The following RHBG variants were observed in gnomAD, a reference collection of about 807,000 sequenced individuals.
RHBG encodes Rh family B glycoprotein.
In RHBG, 39 loss-of-function variants were observed where a neutral mutation model predicts 40.1. The ratio of observed to expected loss-of-function variants is 0.97; its 90% CI spans 0.75 to 1.27. The LOEUF is 1.27. Among genes scored for constraint, RHBG ranks in the 50% most tolerant of loss-of-function variants. The pLI, the probability that RHBG is intolerant of heterozygous loss-of-function variation, is 0.00. For missense variants in RHBG, 549 were observed against 588.1 expected (o/e 0.93, Z 0.69); for synonymous variants, 237 against 252.5 (o/e 0.94, Z 0.58).
Position 156,382,206 on chromosome 1 carries a change from G to A in RHBG, c.1112+5G>A. 1 of 1,614,130 alleles carries A rather than the reference G, an allele frequency of 6.2e-7. No homozygotes were observed. Reference sequence around the variant, plus strand: ...CCATGAAGCTTACGGAGATGGGTGAGTTTCCTCCCAACCCGTACTGCAGTC... The same window carrying A: ...CCATGAAGCTTACGGAGATGGGTGAATTTCCTCCCAACCCGTACTGCAGTC... On this transcript the variant is annotated splice_donor_5th_base_variant and intron_variant, in intron 7 of 9. Coordinates refer to ENST00000537040, the MANE Select transcript of RHBG (RefSeq NM_020407.5).
At chr1:156,374,341 T>A (rs1184192482) in intron 1 of RHBG, among the ~76,000 whole-genome samples, 1 of 152,174 alleles carries the variant, frequency 6.6e-6, no homozygotes, top group Non-Finnish European at 1.5e-5. Flanking sequence ...CACTAGAACT[T>A]ATTCCTTCTA....
At chr1:156,381,232 C>A in intron 4 of RHBG, 115 bp from the exon 5 acceptor site, 2 of 1,080,968 alleles carry the variant, frequency 1.9e-6, no homozygotes, top group Middle Eastern at 2.0e-4. Flanking sequence ...TCCCACTGAA[C>A]ATATGAGGAA....
At chr1:156,384,663 C>T (rs1222819455) in intron 9 of RHBG, 63 bp downstream of exon 9, 2 of 1,540,906 alleles carry the variant, frequency 1.3e-6, no homozygotes, top group Admixed American at 1.8e-5. Context: ...CTCCTGTGGC[C>T]CAAGTTGCCT....
chr1:156,376,531 T>C (rs1030849513), intron 1 of RHBG, among the ~76,000 whole-genome samples: 1 of 152,170 alleles, frequency 6.6e-6, no homozygotes, highest in South Asian at 2.1e-4. Flanking sequence ...GCCTAGCTAA[T>C]TTTTGTATCT....
At chr1:156,371,179 T>TA in intron 1 of RHBG, 3 of 421,326 alleles carry the variant, frequency 7.1e-6, no homozygotes, top group African/African-American at 4.2e-5. Flanking sequence ...TTTTTTTTTT[T>TA]AGAAGAGTCT....
rs564713959 is a variant in RHBG, at chr1:156,380,725, CAA to C, written c.674-598_674-597del. ...TGGGTGGTAGAGTGAGACCTTGTCT[CAA>C]AAAAAAAAAAAAAAAAAAAAAAATT... On this transcript the variant is annotated intron_variant, in intron 4 of 9. Coordinates refer to ENST00000537040, the MANE Select transcript of RHBG (RefSeq NM_020407.5). 9.1e-3 allele frequency among the ~76,000 whole-genome samples: 745 copies of C among 81,896 alleles called. 11 individuals are homozygous for C. The highest frequency in any genetic ancestry group is 8.6e-3 in the East Asian group (16 of 1,864). The allele number at this position is 81,896 out of a possible 152,430, so 53.7% of individuals were successfully genotyped here.
At chr1:156,369,585 C>T in intron 1 of RHBG, 149 bp downstream of exon 1, 1 of 825,716 alleles carries the variant, frequency 1.2e-6, no homozygotes, top group South Asian at 1.8e-5. Context: ...TAAAATCTCA[C>T]CCTTTCACTA....
rs367565278 is a variant in RHBG at position 156,382,187 on chromosome 1, A to G, written c.1098A>G (p.Glu366=). Residue 366 remains glutamate, a synonymous_variant, in exon 7 of 10, where the codon GAA becomes GAG. Coordinates refer to ENST00000537040, the MANE Select transcript of RHBG (RefSeq NM_020407.5). Reference sequence around the variant, plus strand: ...TTGTGGCTGGACTTGCCACCCATGAAGCTTACGGAGATGGGTGAGTTTCCT... The same window carrying G: ...TTGTGGCTGGACTTGCCACCCATGAGGCTTACGGAGATGGGTGAGTTTCCT... ...GVLVAGLATH[E]AYGDGLESVF... The G allele has an allele frequency of 1.9e-5, 31 of 1,613,952 alleles. No individual in the cohort carries two copies. The South Asian group carries it at 2.2e-4, about 11-fold the overall frequency.
At chr1:156,375,910 T>C (rs1406564918) in intron 1 of RHBG, among the ~76,000 whole-genome samples, 3 of 151,932 alleles carry the variant, frequency 2.0e-5, no homozygotes, top group African/African-American at 4.8e-5. Flanking sequence ...AAGCTGATTA[T>C]TATTATTGTT....
chr1:156,372,784 G>A (rs759417107), intron 1 of RHBG, among the ~76,000 whole-genome samples: 10 of 152,118 alleles, frequency 6.6e-5, no homozygotes, highest in Non-Finnish European at 1.5e-4. Flanking sequence ...AAGGAGGTGG[G>A]GAGACATGGA....
intron 5 of RHBG, 55 bp from the exon 6 acceptor site, chr1:156,381,751 G>A (rs1431923378): frequency 6.5e-7 from 1 of 1,546,618 alleles, no homozygotes; most frequent in Non-Finnish European, 8.7e-7. Context: ...GTAGGGTTGG[G>A]TTGCTGTGGG....
Position 156,384,592 on chromosome 1 carries a change from C to T in RHBG, c.1300C>T (p.His434Tyr). Residue 434 changes from histidine (H) to tyrosine (Y), a missense_variant, in exon 9 of 10, where the codon CAC becomes TAC. Physicochemically the swap from His to Tyr is moderately conservative, Grantham distance 83 (BLOSUM62 2). This residue lies in a region of RHBG where 399 missense variants were observed against 417.0 expected (regional missense o/e 0.96). Transcript: ENST00000537040. The stretch of plus-strand genomic sequence containing the variant: ...CTCCCAGCACTACGAGGACCAAGTT[C>T]ACTGGCAGGTGAGACATTGCTGGGC... ...PDSQHYEDQVHWQVPGEHEDK... is the reference protein window; with the variant it reads ...PDSQHYEDQVYWQVPGEHEDK... The T allele has an allele frequency of 6.3e-7, 1 of 1,574,998 alleles. No homozygotes were observed. The highest frequency in any genetic ancestry group is 1.4e-5 in the African/African-American group (1 of 73,960).
At chr1:156,375,792 T>C (rs946957069) in intron 1 of RHBG, among the ~76,000 whole-genome samples, 1 of 151,638 alleles carries the variant, frequency 6.6e-6, no homozygotes, top group Non-Finnish European at 1.5e-5. Context: ...CAGGCTGGAG[T>C]GCAATGGCGC....
rs768986701 is a variant in RHBG at position 156,378,332 on chromosome 1, G to A, written c.606G>A (p.Arg202=). 2 of 1,613,874 alleles carry A rather than the reference G, an allele frequency of 1.2e-6. No homozygotes were observed. Among genetic ancestry groups the A allele is most frequent in the South Asian group, 1.1e-5 (1 of 91,072 alleles). Residue 202 remains arginine (R), a synonymous_variant, in exon 4 of 10, where the codon AGG becomes AGA. Transcript: ENST00000537040. Reference sequence around the variant, plus strand: ...TCGTCCTTTCGCGGGTTCTGTACAGGCCCCAGCTGGAGAAGAGCAAGCACC... The same window carrying A: ...TCGTCCTTTCGCGGGTTCTGTACAGACCCCAGCTGGAGAAGAGCAAGCACC... The part of the protein sequence containing the change: ...FGLVLSRVLY[R]PQLEKSKHRQ...
At chr1:156,384,671 C>G in intron 9 of RHBG, 71 bp downstream of exon 9, 1 of 1,538,700 alleles carries the variant, frequency 6.5e-7, no homozygotes, top group Non-Finnish European at 8.9e-7. Flanking sequence ...GCCCAAGTTG[C>G]CTTCTTCCTT....
intron 1 of RHBG, chr1:156,374,730 G>T (rs1248012336): frequency 6.6e-6 from 2 of 303,876 alleles, no homozygotes; most frequent in African/African-American, 2.3e-5. Flanking sequence ...GGGATTACAG[G>T]TACCCGCCAC....
In RHBG at chr1:156,369,322, G is replaced by T; in HGVS notation, c.73G>T (p.Ala25Ser). The change falls in exon 1 of 10, where the codon GCC (alanine) becomes TCC (serine). Residue 25 changes from alanine (A) to serine (S), a missense_variant. Ala to Ser is a moderately conservative substitution (Grantham distance 99, BLOSUM62 1). This residue lies in a region of RHBG where 99 missense variants were observed against 85.2 expected (regional missense o/e 1.16). Coordinates refer to ENST00000537040, the MANE Select transcript of RHBG (RefSeq NM_020407.5). ...LPLLCLFLQG[A>S]TAVLFAVFVR... ...CCTGCTGTGCCTCTTCCTCCAGGGC[G>T]CCACTGCCGTCCTCTTTGCTGTCTT... 2 of 1,614,200 alleles carry T rather than the reference G, an allele frequency of 1.2e-6. No individual in the cohort carries two copies. The highest frequency in any genetic ancestry group is 1.7e-6 in the Non-Finnish European group (2 of 1,180,042).
In RHBG at chr1:156,384,538, A is replaced by G. The variant is rs367749889; in HGVS notation, c.1246A>G (p.Lys416Glu). ...VGGGLGGLLL[K>E]LPFLDSPPDS... The stretch of plus-strand genomic sequence containing the variant: ...CCTACCACCACCAGGGCTCCTGCTG[A>G]AGCTACCCTTTCTGGACTCCCCCCC... Residue 416 changes from lysine (K) to glutamate (E), a missense_variant, in exon 9 of 10, where the codon AAG becomes GAG. Physicochemically the swap from Lys to Glu is moderately conservative, Grantham distance 56 (BLOSUM62 1). This residue lies in a region of RHBG where 399 missense variants were observed against 417.0 expected (regional missense o/e 0.96). Coordinates refer to ENST00000537040, the MANE Select transcript of RHBG (RefSeq NM_020407.5). 5.0e-5 allele frequency: 80 copies of G among 1,591,306 alleles called. No individual in the cohort carries two copies. The African/African-American group carries it at 9.8e-4, about 19-fold the overall frequency.
chr1:156,382,973 A>G (rs995459693), intron 8 of RHBG, 104 bp downstream of exon 8: 6 of 1,531,048 alleles, frequency 3.9e-6, no homozygotes, highest in East Asian at 2.3e-5. Context: ...TTTGTGCCAT[A>G]AAGTAGGGAT....
Sources: gnomAD v4.1 joint callset for allele counts (sites outside exome capture counted in the v4.1 genomes callset) on GRCh38, gnomAD v4.1.1 for gene constraint, gnomAD v4.1.1 regional missense constraint, MANE v1.5 for transcripts, NCBI Gene and HGNC (gene_info 2026-07-23, HGNC 2026-07-21) for gene names.